Variants in NLRP2 observed in about 807,000 individuals in gnomAD.
NLRP2 encodes NACHT, LRR and PYD domains-containing protein 2.
In NLRP2, 107 loss-of-function variants were observed where a neutral mutation model predicts 97.2. That is an observed-to-expected ratio of 1.10 (90% CI 0.94 to 1.29). The LOEUF (loss-of-function observed/expected upper bound fraction) is 1.29, where lower values mean the gene tolerates loss of function less well. Among genes scored for constraint, NLRP2 ranks in the 50% most tolerant of loss-of-function variants. The probability of loss-of-function intolerance (pLI) is 0.00; values close to 1 mark genes in which losing one functional copy is unlikely to be tolerated. For missense variants in NLRP2, 1,495 were observed against 1,330.3 expected (o/e 1.12, Z -1.93); for synonymous variants, 663 against 551.5 (o/e 1.20, Z -2.83).
intron 11 of NLRP2, 47 bp from the exon 12 acceptor site, chr19:54,997,270 C>T: frequency 6.3e-7 from 1 of 1,597,026 alleles, no homozygotes; most frequent in Non-Finnish European, 8.6e-7. Context: ...CGGAGGGCAT[C>T]GATCAGCACT....
At chr19:54,977,593 G>A (rs1019630778) in intron 3 of NLRP2, among the ~76,000 whole-genome samples, 159 bp from the exon 4 acceptor site, 4 of 151,340 alleles carry the variant, frequency 2.6e-5, no homozygotes, top group African/African-American at 9.7e-5. Context: ...TGGGATCATG[G>A]CCTAATGTAC....
At chr19:54,989,346 C>T (rs1398419362) in intron 8 of NLRP2, among the ~76,000 whole-genome samples, 2 of 152,030 alleles carry the variant, frequency 1.3e-5, no homozygotes, top group African/African-American at 4.8e-5. Context: ...ATGGCATTTG[C>T]CTGTAATCCC....
Position 54,994,379 on chromosome 19 carries a change from A to G in NLRP2, c.2819A>G (p.Lys940Arg). The G allele has an allele frequency of 6.2e-7, 1 of 1,613,964 alleles. No individual in the cohort carries two copies. The highest frequency in any genetic ancestry group is 8.5e-7 in the Non-Finnish European group (1 of 1,180,034). The change falls in exon 11 of 13, where the codon AAG (lysine) becomes AGG (arginine). Residue 940 changes from lysine to arginine, a missense_variant. By Grantham distance (26) the Lys-to-Arg change is conservative. Transcript: ENST00000448584. ...CTGGGGCTGAATCACATAGGAGTTA[A>G]GGGAATGAAGTTCCTGTGTGAGGCT... ...LDLGLNHIGV[K>R]GMKFLCEALR...
At chr19:54,981,508 T>TTCCCCCCCCCCC in intron 4 of NLRP2, 109 bp from the exon 5 acceptor site, 3 of 438,150 alleles carry the variant, frequency 6.8e-6, no homozygotes, top group South Asian at 1.8e-5. Context: ...TCTGATCCCG[T>TTCCCCCCCCCCC]GCCCCCCCTC....
intron 3 of NLRP2, among the ~76,000 whole-genome samples, chr19:54,975,106 G>GGTTTTTTTTTT (rs2071119955): frequency 1.7e-5 from 1 of 58,674 alleles, no homozygotes; most frequent in Non-Finnish European, 3.5e-5. Flanking sequence ...ACCCGGTTTT[G>GGTTTTTTTTTT]TTTTTTTTTT....
Position 54,970,003 on chromosome 19 carries a change from C to G in NLRP2, c.-13C>G. 1 of 1,612,890 alleles carries G rather than the reference C, an allele frequency of 6.2e-7. No homozygotes were observed. The highest frequency in any genetic ancestry group is 1.1e-5 in the South Asian group (1 of 91,030). Reference sequence around the variant, plus strand: ...CTCCCTTGATTGTCATCACAGCTCCCACGTGGGACAAGATGGTGTCTTCGG... The same window carrying G: ...CTCCCTTGATTGTCATCACAGCTCCGACGTGGGACAAGATGGTGTCTTCGG... On this transcript the variant is annotated 5_prime_UTR_variant, in exon 2 of 13. Coordinates refer to ENST00000448584, the MANE Select transcript of NLRP2 (RefSeq NM_017852.5).
In NLRP2 at chr19:54,990,208, C is replaced by G; in HGVS notation, c.2537+16C>G. 1 of 1,613,726 alleles carries G rather than the reference C, an allele frequency of 6.2e-7. No homozygotes were observed. The highest frequency in any genetic ancestry group is 8.5e-7 in the Non-Finnish European group (1 of 1,179,644). The stretch of plus-strand genomic sequence containing the variant: ...AGAGGTTGTCGTAAGTCTCTCCTCT[C>G]TTACAGAGCAGCTGTGCTTTCGATC... On this transcript the variant is annotated intron_variant, in intron 9 of 12. Coordinates refer to ENST00000448584, the MANE Select transcript of NLRP2 (RefSeq NM_017852.5).
At chr19:54,984,340 T>TGTTTTTTTTTTTG (rs1280631040) in intron 6 of NLRP2, among the ~76,000 whole-genome samples, 2 of 120,082 alleles carry the variant, frequency 1.7e-5, no homozygotes, top group Non-Finnish European at 3.3e-5. Flanking sequence ...TTTTTTTTTT[T>TGTTTTTTTTTTTG]TTTTTTTTTT....
rs10673643 is a variant in NLRP2 at position 54,973,344 on chromosome 19, GT to G, written c.281-1137del. Among the ~76,000 whole-genome samples the G allele has an allele frequency of 8.8e-3, 812 of 92,506 alleles. 3 individuals are homozygous for G. Among genetic ancestry groups the G allele is most frequent in the Non-Finnish European group, 0.01 (521 of 49,990 alleles). The allele number at this position is 92,506 out of a possible 152,430, so 60.7% of individuals were successfully genotyped here. On this transcript the variant is annotated intron_variant, in intron 2 of 12. Coordinates refer to ENST00000448584, the MANE Select transcript of NLRP2 (RefSeq NM_017852.5). Reference sequence around the variant, plus strand: ...TTCCTGTCTTTAACAATGGGTGAGGGTTTTTTTTTTTTTTTTTTTGGTTTGG... The same window carrying G: ...TTCCTGTCTTTAACAATGGGTGAGGGTTTTTTTTTTTTTTTTTTGGTTTGG...
At chr19:54,974,450 T>A in intron 2 of NLRP2, 50 bp from the exon 3 acceptor site, 1 of 1,380,630 alleles carries the variant, frequency 7.2e-7, no homozygotes, top group South Asian at 1.2e-5. Context: ...GGCAATAAAA[T>A]CTTGAGCTTA....
At chr19:54,989,567 G>A (rs899455562) in intron 8 of NLRP2, 1 of 245,660 alleles carries the variant, frequency 4.1e-6, no homozygotes, top group African/African-American at 2.2e-5. Flanking sequence ...CTGATTCCTG[G>A]GCGATGTTGG....
chr19:55,000,818 A>G lies in NLRP2; in HGVS notation c.3109A>G (p.Lys1037Glu), dbSNP rs180727055. 3.6e-5 allele frequency: 58 copies of G among 1,613,796 alleles called. No homozygotes were observed. The East Asian group carries it at 1.2e-3, about 32-fold the overall frequency. The part of the protein sequence containing the change: ...LNKLLEEIEE[K>E]NPQLIIDTEK... ...TAAGCTGCTGGAAGAAATAGAAGAA[A>G]AAAACCCACAACTGATTATTGATAC... The change falls in exon 13 of 13, where the codon AAA becomes GAA. Residue 1037 changes from lysine to glutamate, a missense_variant. Physicochemically the swap from Lys to Glu is moderately conservative, Grantham distance 56. Coordinates refer to ENST00000448584, the MANE Select transcript of NLRP2 (RefSeq NM_017852.5).
rs536617913 is a variant in NLRP2 at position 54,990,551 on chromosome 19, G to T, written c.2587G>T (p.Val863Leu). The T allele has an allele frequency of 1.9e-5, 30 of 1,614,196 alleles. No individual in the cohort carries two copies. The East Asian group carries it at 2.9e-4, about 16-fold the overall frequency. The stretch of plus-strand genomic sequence containing the variant: ...AGCCAATTGCAAGGACCTTGCTGCT[G>T]TGTTGGTTGTCAGCCGGGAGCTGAC... ...TEANCKDLAAVLVVSRELTHL... is the reference protein window; with the variant it reads ...TEANCKDLAALLVVSRELTHL... The change falls in exon 10 of 13, where the codon GTG (valine) becomes TTG (leucine). Residue 863 changes from valine (V) to leucine (L), a missense_variant. By Grantham distance (32) the Val-to-Leu change is conservative. Transcript: ENST00000448584.
chr19:54,968,757 G>A (rs1424170090), intron 1 of NLRP2, among the ~76,000 whole-genome samples: 1 of 145,472 alleles, frequency 6.9e-6, no homozygotes, highest in Non-Finnish European at 1.5e-5. Flanking sequence ...GTGCAGTGGC[G>A]CCATGTCAGC....
chr19:54,986,771 C>T (rs1426082062), intron 8 of NLRP2, among the ~76,000 whole-genome samples: 1 of 152,114 alleles, frequency 6.6e-6, no homozygotes, highest in African/African-American at 2.4e-5. Context: ...TGGTCTCGAA[C>T]TCATGACCTC....
At chr19:54,980,510 A>T (rs1454311503) in intron 4 of NLRP2, among the ~76,000 whole-genome samples, 2 of 152,214 alleles carry the variant, frequency 1.3e-5, no homozygotes, top group Non-Finnish European at 2.9e-5. Flanking sequence ...AAAGAAATTT[A>T]TGAAGACAAT....
rs1015180543 is a variant in NLRP2, at chr19:54,997,326, A to G, written c.2889A>G (p.Gly963=). 1 of 1,613,508 alleles carries G rather than the reference A, an allele frequency of 6.2e-7. No individual in the cohort carries two copies. Among genetic ancestry groups the G allele is most frequent in the African/African-American group, 1.3e-5 (1 of 74,996 alleles). ...LCNLRCLWLW[G]CSIPPFSCED... ...TTCTGTGTTTCCCCAGGTTGTGGGG[A>G]TGTTCCATCCCTCCGTTCAGTTGTG... The change falls in exon 12 of 13, where the codon GGA becomes GGG. Residue 963 remains glycine, a synonymous_variant. Coordinates refer to ENST00000448584, the MANE Select transcript of NLRP2 (RefSeq NM_017852.5).
chr19:54,968,896 T>C (rs538380956), intron 1 of NLRP2, among the ~76,000 whole-genome samples: 6 of 151,048 alleles, frequency 4.0e-5, no homozygotes, highest in Non-Finnish European at 7.4e-5. Context: ...AGAGACGGGG[T>C]TTCACTGTGT....
At chr19:54,978,260 G>T (rs2071373076) in intron 4 of NLRP2, among the ~76,000 whole-genome samples, 1 of 143,176 alleles carries the variant, frequency 7.0e-6, no homozygotes, top group Non-Finnish European at 1.5e-5. Flanking sequence ...TTGAGACGAA[G>T]TCTTGTTCTT....
Sources: allele counts gnomAD v4.1 joint callset (sites outside exome capture counted in the v4.1 genomes callset), GRCh38; gene constraint gnomAD v4.1.1; transcripts MANE v1.5; gene names NCBI Gene and HGNC (gene_info 2026-07-23, HGNC 2026-07-21).